The following ANAPC11 variants were observed in gnomAD, a reference collection of about 807,000 sequenced individuals.
The protein encoded by ANAPC11 is anaphase-promoting complex subunit 11.
ANAPC11 carries 5 observed loss-of-function variants against 11.8 expected under a neutral mutation model. That is an observed-to-expected ratio of 0.42 (90% CI 0.22 to 0.89). The LOEUF is 0.89. ANAPC11 is among the 40% of genes least tolerant of loss of function. The probability of loss-of-function intolerance (pLI) is 0.28; values close to 1 mark genes in which losing one functional copy is unlikely to be tolerated. For synonymous variants in ANAPC11, 45 were observed against 41.0 expected (o/e 1.10, Z -0.38); for missense variants, 68 against 112.9 (o/e 0.60, Z 1.80).
In ANAPC11 at chr17:81,900,103, C is replaced by G; in HGVS notation, c.*38C>G. ...CTCTCGCTGGAGGGGCATCCTGAGA[C>G]TCCTTCCTCATGCTGGCGCCGATGG... is the stretch of plus-strand genomic sequence containing the variant. On this transcript the variant is annotated 3_prime_UTR_variant, in exon 4 of 4. Coordinates refer to ENST00000344877, the MANE Select transcript of ANAPC11 (RefSeq NM_001002248.3). 1 of 1,610,488 alleles carries G rather than the reference C, an allele frequency of 6.2e-7. No individual in the cohort carries two copies. The highest frequency in any genetic ancestry group is 8.5e-7 in the Non-Finnish European group (1 of 1,178,982).
At chr17:81,891,275 C>A, upstream of ANAPC11, 1 of 1,107,066 alleles carries the variant, frequency 9.0e-7, no homozygotes, top group Non-Finnish European at 1.1e-6. Context: ...GGCCCCAGCC[C>A]CGGCTGGCCC....
intron 3 of ANAPC11, among the ~76,000 whole-genome samples, chr17:81,895,050 C>CTTTTTTTTTTTTTTTT (rs766422017): frequency 1.2e-5 from 1 of 85,068 alleles, no homozygotes; most frequent in African/African-American, 5.1e-5. Context: ...TCTTTCTTTT[C>CTTTTTTTTTTTTTTTT]TTTTTTTTTT....
intron 3 of ANAPC11, among the ~76,000 whole-genome samples, chr17:81,897,795 A>C (rs185760540): frequency 5.9e-5 from 9 of 151,974 alleles, no homozygotes; most frequent in South Asian, 2.1e-4. Flanking sequence ...AAACTACATA[A>C]ATTTTTAATT....
intron 3 of ANAPC11, among the ~76,000 whole-genome samples, chr17:81,896,547 G>T (rs2039749574): frequency 6.6e-6 from 1 of 152,192 alleles, no homozygotes; most frequent in Non-Finnish European, 1.5e-5. Context: ...TCAAGGTTTT[G>T]CCCAGGGAGG....
At chr17:81,890,811 G>A (rs974671546), upstream of ANAPC11, 1 of 1,613,944 alleles carries the variant, frequency 6.2e-7, no homozygotes, top group Non-Finnish European at 8.5e-7. Flanking sequence ...TTGTCGGGAA[G>A]TTGTTTTGGC....
chr17:81,899,747 G>A (rs2039876423), intron 3 of ANAPC11, 173 bp from the exon 4 acceptor site: 1 of 954,562 alleles, frequency 1.0e-6, no homozygotes, highest in Non-Finnish European at 1.5e-6. Flanking sequence ...CTGGGGGCGG[G>A]CTGGTCAGGA....
chr17:81,893,834 C>T (rs1273651784), intron 2 of ANAPC11, among the ~76,000 whole-genome samples: 1 of 144,158 alleles, frequency 6.9e-6, no homozygotes, highest in African/African-American at 2.6e-5. Context: ...TGAGCTCAGG[C>T]GATCCTCCCG....
downstream of ANAPC11, chr17:81,900,328 A>G (rs924340074): frequency 1.8e-6 from 1 of 545,214 alleles, no homozygotes; most frequent in Non-Finnish European, 3.2e-6. Context: ...GAAAACTCTC[A>G]TGAATAAACA....
intron 3 of ANAPC11, among the ~76,000 whole-genome samples, chr17:81,896,513 A>G (rs994511916): frequency 6.6e-6 from 1 of 152,216 alleles, no homozygotes; most frequent in Non-Finnish European, 1.5e-5. Flanking sequence ...TGAGACCGAA[A>G]TGAGCGTAAA....
intron 3 of ANAPC11, among the ~76,000 whole-genome samples, chr17:81,895,349 C>T (rs1031940850): frequency 6.6e-6 from 1 of 152,166 alleles, no homozygotes; most frequent in Non-Finnish European, 1.5e-5. Context: ...CCGTGCCCCC[C>T]CCAACATTTT....
intron 3 of ANAPC11, among the ~76,000 whole-genome samples, chr17:81,896,472 C>G (rs557672979): frequency 1.7e-4 from 26 of 152,254 alleles, no homozygotes; most frequent in African/African-American, 6.0e-4. Context: ...AGGTTGAAAG[C>G]AGAGTTTTGC....
At chr17:81,896,465 T>C (rs1338943859) in intron 3 of ANAPC11, among the ~76,000 whole-genome samples, 1 of 151,932 alleles carries the variant, frequency 6.6e-6, no homozygotes, top group African/African-American at 2.4e-5. Context: ...TATGTTTAGG[T>C]TGAAAGCAGA....
At chr17:81,897,635 C>G (rs1304338383) in intron 3 of ANAPC11, among the ~76,000 whole-genome samples, 1 of 152,086 alleles carries the variant, frequency 6.6e-6, no homozygotes, top group African/African-American at 2.4e-5. Context: ...CTCCACAATG[C>G]CTGGCTAATT....
intron 3 of ANAPC11, chr17:81,899,700 G>C (rs2039874160): frequency 9.9e-7 from 1 of 1,010,104 alleles, no homozygotes; most frequent in Admixed American, 2.8e-5. Context: ...GGTGGAGGCC[G>C]CATGTCCGGT....
chr17:81,894,591 G>T lies in ANAPC11; in HGVS notation c.109+5G>T, dbSNP rs1375963094. 6.3e-7 allele frequency: 1 copy of T among 1,597,252 alleles called. No homozygotes were observed. Among genetic ancestry groups the T allele is most frequent in the Non-Finnish European group, 8.6e-7 (1 of 1,168,778 alleles). Reference sequence around the variant, plus strand: ...TTAACGGATGCTGCCCTGACTGTGAGTGTCCCCTCCATGCTGTCTGAGCGG... The same window carrying T: ...TTAACGGATGCTGCCCTGACTGTGATTGTCCCCTCCATGCTGTCTGAGCGG... On this transcript the variant is annotated splice_donor_5th_base_variant and intron_variant, in intron 3 of 3. Transcript: ENST00000344877.
At chr17:81,900,476 C>G, downstream of ANAPC11, 1 of 241,608 alleles carries the variant, frequency 4.1e-6, no homozygotes, top group South Asian at 4.4e-5. Context: ...GGCCCTGGGA[C>G]CCTCCCTCAG....
intron 2 of ANAPC11, among the ~76,000 whole-genome samples, chr17:81,893,835 G>A (rs981674622): frequency 9.5e-5 from 14 of 147,138 alleles, no homozygotes; most frequent in African/African-American, 3.3e-4. Context: ...GAGCTCAGGC[G>A]ATCCTCCCGA....
intron 1 of ANAPC11, 127 bp downstream of exon 1, chr17:81,891,968 G>A (rs1206636635): frequency 6.2e-6 from 1 of 161,082 alleles, no homozygotes; most frequent in African/African-American, 2.4e-5. Context: ...GGGCGCTGGG[G>A]GCGCTACGGG....
chr17:81,899,940 T>C lies in ANAPC11; in HGVS notation c.130T>C (p.Cys44Arg). The change falls in exon 4 of 4, where the codon TGC becomes CGC. Residue 44 changes from cysteine to arginine, a missense_variant. Transcript: ENST00000344877. ...CPDCKVPGDDCPLVWGQCSHC... is the reference protein window; with the variant it reads ...CPDCKVPGDDRPLVWGQCSHC... ...CGTAGGCAAGGTGCCCGGCGACGAC[T>C]GCCCGCTGGTGTGGGGCCAGTGCTC... The C allele has an allele frequency of 6.2e-7, 1 of 1,609,944 alleles. No homozygotes were observed. Among genetic ancestry groups the C allele is most frequent in the Non-Finnish European group, 8.5e-7 (1 of 1,177,354 alleles).
Sources: allele counts gnomAD v4.1 joint callset (sites outside exome capture counted in the v4.1 genomes callset), GRCh38; gene constraint gnomAD v4.1.1; transcripts MANE v1.5; gene names NCBI Gene and HGNC (gene_info 2026-07-23, HGNC 2026-07-21).